Variants in MVB12B observed in about 807,000 individuals in gnomAD.
MVB12B encodes the protein ESCRT-I complex subunit MVB12B.
Under a neutral mutation model 41.6 loss-of-function variants are expected in MVB12B, and 16 were observed. That is an observed-to-expected ratio of 0.38 (90% CI 0.26 to 0.58). The LOEUF is 0.58. Among genes scored for constraint, MVB12B ranks in the 20% least tolerant of loss-of-function variants. MVB12B has a pLI of 0.62. For missense variants in MVB12B, 274 were observed against 380.2 expected (o/e 0.72, Z 2.32); for synonymous variants, 133 against 139.7 (o/e 0.95, Z 0.34).
At chr9:126,498,822 G>A (rs1833891833) in intron 9 of MVB12B, among the ~76,000 whole-genome samples, 1 of 152,216 alleles carries the variant, frequency 6.6e-6, no homozygotes, top group Non-Finnish European at 1.5e-5. Context: ...AAGGAGGGAG[G>A]AGGCTGGAGG....
At chr9:126,396,335 C>T in intron 6 of MVB12B, 1 of 985,536 alleles carries the variant, frequency 1.0e-6, no homozygotes. Context: ...AAATCCTGTG[C>T]ATCACTAGGA....
intron 1 of MVB12B, among the ~76,000 whole-genome samples, chr9:126,336,696 C>T (rs1829288616): frequency 6.6e-6 from 1 of 152,136 alleles, no homozygotes; most frequent in African/African-American, 2.4e-5. Flanking sequence ...CACCTTAACC[C>T]TCCCCAGCTT....
intron 9 of MVB12B, among the ~76,000 whole-genome samples, chr9:126,494,130 C>T (rs1180741433): frequency 6.6e-6 from 1 of 152,082 alleles, no homozygotes; most frequent in African/African-American, 2.4e-5. Context: ...TGTTAGCCAT[C>T]TATTTCTGTT....
At chr9:126,339,732 C>G (rs965860616) in intron 1 of MVB12B, among the ~76,000 whole-genome samples, 1 of 152,182 alleles carries the variant, frequency 6.6e-6, no homozygotes, top group Non-Finnish European at 1.5e-5. Context: ...CATTTCTGAC[C>G]AGTTACCTGG....
intron 1 of MVB12B, among the ~76,000 whole-genome samples, chr9:126,332,151 C>G (rs1049330007): frequency 7.2e-5 from 11 of 152,162 alleles, no homozygotes; most frequent in Non-Finnish European, 5.9e-5. Flanking sequence ...CATCTGCTTG[C>G]AAGACTTTCA....
In MVB12B at chr9:126,391,959, G is replaced by T; in HGVS notation, c.410-107G>T. 7.5e-7 allele frequency: 1 copy of T among 1,335,328 alleles called. No individual in the cohort carries two copies. The highest frequency in any genetic ancestry group is 2.3e-5 in the East Asian group (1 of 43,130). 82.7% of individuals were successfully genotyped at this position (1,335,328 alleles called of 1,614,324 possible). ...TTCTGTCCAGCAGCTTAGGTGACCT[G>T]CCACTTCTGCTGCCAGGAATAGGGC... On this transcript the variant is annotated intron_variant, in intron 4 of 9. Transcript: ENST00000361171. This position sits in a 1 kb window ranked among gnomAD's most constrained non-coding sequence, Gnocchi z 4.4.
intron 1 of MVB12B, chr9:126,335,217 G>A: frequency 8.6e-7 from 1 of 1,166,942 alleles, no homozygotes; most frequent in Non-Finnish European, 1.1e-6. Flanking sequence ...GCATTTGTCA[G>A]AGTGATTTGA....
intron 2 of MVB12B, among the ~76,000 whole-genome samples, chr9:126,377,686 G>T (rs565481469): frequency 6.6e-6 from 1 of 152,010 alleles, no homozygotes; most frequent in African/African-American, 2.4e-5. Context: ...AGGCACTGCC[G>T]TTGTCCTTGT....
intron 1 of MVB12B, among the ~76,000 whole-genome samples, chr9:126,338,093 C>T (rs1829334014): frequency 1.3e-5 from 2 of 152,144 alleles, no homozygotes; most frequent in Non-Finnish European, 2.9e-5. Flanking sequence ...CTGGTGATGG[C>T]GCTTCCTGGA....
chr9:126,343,700 G>A (rs1275527526), intron 2 of MVB12B, among the ~76,000 whole-genome samples: 1 of 152,172 alleles, frequency 6.6e-6, no homozygotes, highest in Non-Finnish European at 1.5e-5. Flanking sequence ...CAGATCACTT[G>A]AGGTCAGGAG....
chr9:126,500,341 T>A lies in MVB12B; in HGVS notation c.874-2836T>A, dbSNP rs757375044. On this transcript the variant is annotated intron_variant, in intron 9 of 9. Transcript: ENST00000361171. ...TTGCAGGCATCTCCCTGGCATGGCC[T>A]TGGAGCATCCAAAGTGGAGCACCTC... 5.3e-5 allele frequency among the ~76,000 whole-genome samples: 8 copies of A among 152,196 alleles called. No homozygotes were observed. The South Asian group carries it at 6.2e-4, about 12-fold the overall frequency.
Position 126,486,814 on chromosome 9 carries a change from T to C in MVB12B, c.873+2782T>C, listed in dbSNP as rs1328383677. 6.6e-6 allele frequency among the ~76,000 whole-genome samples: 1 copy of C among 152,110 alleles called. No individual in the cohort carries two copies. Among genetic ancestry groups the C allele is most frequent in the Non-Finnish European group, 1.5e-5 (1 of 68,020 alleles). On this transcript the variant is annotated intron_variant, in intron 9 of 9. Coordinates refer to ENST00000361171, the MANE Select transcript of MVB12B (RefSeq NM_033446.3). This position sits in a 1 kb window ranked among gnomAD's most constrained non-coding sequence, Gnocchi z 4.7. Reference sequence around the variant, plus strand: ...GTGTCGTGCTCCAAGTCCTCCCCACTGTGACGGAAAGTGGCAGCTCTGTGT... The same window carrying C: ...GTGTCGTGCTCCAAGTCCTCCCCACCGTGACGGAAAGTGGCAGCTCTGTGT...
At chr9:126,433,733 G>C (rs1214168892) in intron 7 of MVB12B, among the ~76,000 whole-genome samples, 1 of 152,108 alleles carries the variant, frequency 6.6e-6, no homozygotes, top group African/African-American at 2.4e-5. Flanking sequence ...AGCATTCCTT[G>C]TGAGTATTCC....
rs1457565887 is a variant in MVB12B, at chr9:126,480,448, AATTC to A, written c.758-918_758-915del. 1.3e-5 allele frequency among the ~76,000 whole-genome samples: 2 copies of A among 152,180 alleles called. No homozygotes were observed. The highest frequency in any genetic ancestry group is 3.9e-4 in the East Asian group (2 of 5,174). On this transcript the variant is annotated intron_variant, in intron 7 of 9. Coordinates refer to ENST00000361171, the MANE Select transcript of MVB12B (RefSeq NM_033446.3). The surrounding 1 kb of genome is among the most constrained non-coding windows in gnomAD (Gnocchi z 4.9). ...CCAGAGTCCTCCTCTCTGAGGTTAT[AATTC>A]ATAGAGAAGTGCTCACTTACGGAGG...
chr9:126,382,795 T>C (rs1830671414), intron 3 of MVB12B, among the ~76,000 whole-genome samples: 1 of 151,892 alleles, frequency 6.6e-6, no homozygotes, highest in Non-Finnish European at 1.5e-5. Flanking sequence ...TCCCTTGGAG[T>C]GGGGACAGTG....
At chr9:126,365,287 G>A (rs187979774) in intron 2 of MVB12B, among the ~76,000 whole-genome samples, 9 of 122,802 alleles carry the variant, frequency 7.3e-5, no homozygotes, top group Middle Eastern at 7.7e-3. Context: ...GAATGGTCTC[G>A]ATCTCCTGAC....
rs1833470778 is a variant in MVB12B, at chr9:126,478,925, A to G, written c.758-2444A>G. On this transcript the variant is annotated intron_variant, in intron 7 of 9. Transcript: ENST00000361171. The surrounding 1 kb of genome is among the most constrained non-coding windows in gnomAD (Gnocchi z 4.2). The stretch of plus-strand genomic sequence containing the variant: ...ACTCCCAAATACTAATAAGGTCTTT[A>G]AAACATCAGAGGCAGAAAGTCTGGG... Among the ~76,000 whole-genome samples the G allele has an allele frequency of 6.6e-6, 1 of 152,230 alleles. No individual in the cohort carries two copies. Among genetic ancestry groups the G allele is most frequent in the African/African-American group, 2.4e-5 (1 of 41,468 alleles).
intron 6 of MVB12B, chr9:126,408,538 G>T (rs1271875207): frequency 6.6e-6 from 1 of 152,080 alleles, no homozygotes; most frequent in Admixed American, 6.5e-5. Flanking sequence ...TGCAAATGGA[G>T]CCTTTTCCAC....
intron 9 of MVB12B, among the ~76,000 whole-genome samples, chr9:126,495,265 G>T (rs1348156132): frequency 6.6e-6 from 1 of 151,928 alleles, no homozygotes; most frequent in Non-Finnish European, 1.5e-5. Flanking sequence ...CAGGGCATCT[G>T]ACGGTGCACA....
Sources: allele counts gnomAD v4.1 joint callset (sites outside exome capture counted in the v4.1 genomes callset), GRCh38; gene constraint gnomAD v4.1.1; non-coding constraint Gnocchi (gnomAD v3.1); transcripts MANE v1.5; gene names NCBI Gene and HGNC (gene_info 2026-07-23, HGNC 2026-07-21).